Variants in ZYG11B observed in about 807,000 individuals in gnomAD.
ZYG11B encodes zyg-11 family member B, cell cycle regulator.
Under a neutral mutation model 82.4 loss-of-function variants are expected in ZYG11B, and 36 were observed. That is an observed-to-expected ratio of 0.44 (90% CI 0.33 to 0.58). ZYG11B has a LOEUF of 0.58. Among genes scored for constraint, ZYG11B ranks in the 20% least tolerant of loss-of-function variants. The pLI is 0.02. For missense variants in ZYG11B, 552 were observed against 895.6 expected (o/e 0.62, Z 4.90); for synonymous variants, 303 against 312.8 (o/e 0.97, Z 0.33).
At chr1:52,790,492 A>C (rs1333970526) in intron 6 of ZYG11B, among the ~76,000 whole-genome samples, 1 of 152,050 alleles carries the variant, frequency 6.6e-6, no homozygotes, top group Non-Finnish European at 1.5e-5. Flanking sequence ...GCGCTTTAGG[A>C]GGCCAAAGCG....
chr1:52,776,219 T>TAAAAA (rs1165031214), intron 3 of ZYG11B, among the ~76,000 whole-genome samples: 29 of 42,488 alleles, frequency 6.8e-4, no homozygotes, highest in Non-Finnish European at 1.1e-3. Context: ...AACTCTGTCT[T>TAAAAA]AAAAAAAAAA....
intron 2 of ZYG11B, among the ~76,000 whole-genome samples, chr1:52,767,367 C>T (rs1644706892): frequency 6.6e-6 from 1 of 151,980 alleles, no homozygotes. Flanking sequence ...TGCAATGGTG[C>T]GATCTCAACT....
At chr1:52,743,964 G>A (rs1042049536) in intron 1 of ZYG11B, among the ~76,000 whole-genome samples, 7 of 150,408 alleles carry the variant, frequency 4.7e-5, no homozygotes, top group Non-Finnish European at 7.4e-5. Flanking sequence ...ACAGAGTCTC[G>A]CTCTGTCACC....
In ZYG11B at chr1:52,771,215, A is replaced by G; in HGVS notation, c.392A>G (p.Asn131Ser). The change falls in exon 3 of 14, where the codon AAC (asparagine) becomes AGC (serine). Residue 131 changes from asparagine (N) to serine (S), a missense_variant. Physicochemically the swap from Asn to Ser is conservative, Grantham distance 46. Transcript: ENST00000294353. This position sits in a 1 kb window ranked among gnomAD's most constrained non-coding sequence, Gnocchi z 5.4. ...GACATTATCAGTGGGCTTGGCAGTA[A>G]CAAATGGATCCAGCAGAATCTCCAG... ...ITDIISGLGSNKWIQQNLQCL... is the reference protein window; with the variant it reads ...ITDIISGLGSSKWIQQNLQCL... 1 of 1,614,258 alleles carries G rather than the reference A, an allele frequency of 6.2e-7. No homozygotes were observed. Among genetic ancestry groups the G allele is most frequent in the Non-Finnish European group, 8.5e-7 (1 of 1,180,044 alleles).
intron 2 of ZYG11B, among the ~76,000 whole-genome samples, chr1:52,768,248 A>G (rs1644715434): frequency 6.6e-6 from 1 of 152,072 alleles, no homozygotes; most frequent in Non-Finnish European, 1.5e-5. Context: ...TGGTGTTTCC[A>G]GGCTGCTGGC....
chr1:52,776,229 A>AAAAAAAAAATATATATAT, intron 3 of ZYG11B, among the ~76,000 whole-genome samples: 1 of 23,544 alleles, frequency 4.2e-5, no homozygotes, highest in Non-Finnish European at 1.2e-4. Flanking sequence ...TAAAAAAAAA[A>AAAAAAAAAATATATATAT]ATATATATAT....
intron 1 of ZYG11B, among the ~76,000 whole-genome samples, chr1:52,745,504 A>G (rs187363201): frequency 6.6e-6 from 1 of 152,304 alleles, no homozygotes; most frequent in African/African-American, 2.4e-5. Flanking sequence ...AGACACTGAA[A>G]CATTTACTCT....
At chr1:52,813,814 C>T in intron 11 of ZYG11B, 46 bp from the exon 12 acceptor site, 2 of 1,613,162 alleles carry the variant, frequency 1.2e-6, no homozygotes, top group Non-Finnish European at 1.7e-6. Flanking sequence ...TAATGCAGTG[C>T]TAAATAAATA....
Position 52,771,844 on chromosome 1 carries a change from A to G in ZYG11B, c.951+70A>G, listed in dbSNP as rs1181499044. On this transcript the variant is annotated intron_variant, in intron 3 of 13. Transcript: ENST00000294353. This position sits in a 1 kb window ranked among gnomAD's most constrained non-coding sequence, Gnocchi z 5.4. ...TTAGTTGCATAAGACTCTATTAAAG[A>G]TGAATGTCTGTAATATATGGAACAT... 4 of 1,500,266 alleles carry G rather than the reference A, an allele frequency of 2.7e-6. No homozygotes were observed. The Admixed American group carries it at 8.3e-5, about 31-fold the overall frequency. 92.9% of individuals were successfully genotyped at this position (1,500,266 alleles called of 1,614,324 possible).
chr1:52,772,723 G>T (rs1644765682), intron 3 of ZYG11B: 2 of 670,998 alleles, frequency 3.0e-6, no homozygotes, highest in Non-Finnish European at 5.4e-6. Context: ...TGTCGCCCAG[G>T]CTGGAGTGCA....
chr1:52,744,291 T>G lies in ZYG11B; in HGVS notation c.31-12167T>G, dbSNP rs578001347. Among the ~76,000 whole-genome samples, 8 of 152,318 alleles carry G rather than the reference T, an allele frequency of 5.3e-5. No individual in the cohort carries two copies. The East Asian group carries it at 9.6e-4, about 18-fold the overall frequency. ...CAAATACTTAACATTTTGTTACAGT[T>G]GCCTACAGTATTCAGTACAGTAACA... On this transcript the variant is annotated intron_variant, in intron 1 of 13. Transcript: ENST00000294353.
At position 52,823,748 on chromosome 1, in the gene ZYG11B, T is replaced by C. The variant is rs1645303032; in HGVS notation, c.*2119T>C. On this transcript the variant is annotated 3_prime_UTR_variant, in exon 14 of 14. Coordinates refer to ENST00000294353, the MANE Select transcript of ZYG11B (RefSeq NM_024646.3). ...AATGCTAGGTTTTTGTCTTTACAAATTATTTTCAGAAATGGCTAAAAGTGT... is the reference window on the plus strand; with the variant it reads ...AATGCTAGGTTTTTGTCTTTACAAACTATTTTCAGAAATGGCTAAAAGTGT... 6.6e-6 allele frequency: 1 copy of C among 152,222 alleles called. No homozygotes were observed. Among genetic ancestry groups the C allele is most frequent in the African/African-American group, 2.4e-5 (1 of 41,460 alleles). 9.4% of individuals were successfully genotyped at this position (152,222 alleles called of 1,614,324 possible).
intron 8 of ZYG11B, among the ~76,000 whole-genome samples, chr1:52,799,259 G>A (rs1277129450): frequency 1.3e-5 from 2 of 151,894 alleles, no homozygotes; most frequent in African/African-American, 2.4e-5. Context: ...AGGCCGAGGC[G>A]GGTGGATCAC....
At chr1:52,820,713 TTAAAAAAAAAA>T (rs1166260440) in intron 13 of ZYG11B, among the ~76,000 whole-genome samples, 1 of 120,936 alleles carries the variant, frequency 8.3e-6, no homozygotes, top group Non-Finnish European at 1.6e-5. Flanking sequence ...GAGACTGTCT[TTAAAAAAAAAA>T]AAAAAAAAAA....
chr1:52,795,901 G>A (rs1284545615), intron 6 of ZYG11B, among the ~76,000 whole-genome samples: 1 of 152,140 alleles, frequency 6.6e-6, no homozygotes, highest in African/African-American at 2.4e-5. Flanking sequence ...CAAAGCAAGA[G>A]TTTAATATAT....
intron 4 of ZYG11B, 22 bp downstream of exon 4, chr1:52,780,015 T>C: frequency 6.2e-7 from 1 of 1,601,112 alleles, no homozygotes; most frequent in African/African-American, 1.3e-5. Context: ...AAACTGGATA[T>C]GAAATTTTTG....
At chr1:52,792,430 A>G (rs1644967551) in intron 6 of ZYG11B, among the ~76,000 whole-genome samples, 1 of 152,204 alleles carries the variant, frequency 6.6e-6, no homozygotes, top group Non-Finnish European at 1.5e-5. Context: ...TGCCAGGCAG[A>G]CATTGTGCTA....
chr1:52,776,946 A>C (rs1312770135), intron 3 of ZYG11B, among the ~76,000 whole-genome samples: 3 of 152,344 alleles, frequency 2.0e-5, no homozygotes, highest in African/African-American at 7.2e-5. Context: ...GTGGTGGCTC[A>C]TGCCTGTAAT....
chr1:52,802,065 A>AT, intron 9 of ZYG11B, 27 bp from the exon 10 acceptor site: 1 of 1,591,770 alleles, frequency 6.3e-7, no homozygotes, highest in Non-Finnish European at 8.5e-7. Flanking sequence ...TCTTCAGGTA[A>AT]TTATAGGTTT....
Sources: gnomAD v4.1 joint callset for allele counts (sites outside exome capture counted in the v4.1 genomes callset) on GRCh38, gnomAD v4.1.1 for gene constraint, Gnocchi (gnomAD v3.1) non-coding constraint, MANE v1.5 for transcripts, NCBI Gene and HGNC (gene_info 2026-07-23, HGNC 2026-07-21) for gene names.